CDK11B: variants seen among roughly 807,000 people sequenced by gnomAD.
The protein encoded by CDK11B is cyclin-dependent kinase 11B.
A neutral mutation model predicts 84.0 loss-of-function variants in CDK11B; 37 were observed. The ratio of observed to expected loss-of-function variants is 0.44; its 90% CI spans 0.34 to 0.58. CDK11B has a LOEUF of 0.58. Among genes scored for constraint, CDK11B ranks in the 20% least tolerant of loss-of-function variants. The pLI is 0.02. For missense variants in CDK11B, 427 were observed against 834.0 expected (o/e 0.51, Z 6.01); for synonymous variants, 269 against 309.8 (o/e 0.87, Z 1.38).
chr1:1,637,270 T>G, intron 14 of CDK11B, 68 bp from the exon 15 acceptor site: 1 of 1,591,040 alleles, frequency 6.3e-7, no homozygotes, highest in Non-Finnish European at 8.6e-7. Context: ...GGTGGCCCAC[T>G]CGCCTCGGCA....
chr1:1,650,418 T>A (rs1443446928), intron 4 of CDK11B, among the ~76,000 whole-genome samples: 2 of 142,414 alleles, frequency 1.4e-5, no homozygotes, highest in East Asian at 4.3e-4. Flanking sequence ...CAGGCTGGAG[T>A]GCAGTGGCGC....
intron 17 of CDK11B, 91 bp downstream of exon 17, chr1:1,636,591 C>T: frequency 1.3e-6 from 2 of 1,584,648 alleles, no homozygotes; most frequent in East Asian, 4.6e-5. Flanking sequence ...GCCCTGGTCC[C>T]CATCTCAACC....
At chr1:1,650,442 T>A (rs1338688653) in intron 4 of CDK11B, among the ~76,000 whole-genome samples, 2 of 145,628 alleles carry the variant, frequency 1.4e-5, no homozygotes, top group Admixed American at 1.4e-4. Context: ...CTCGGCTCAC[T>A]GCAAGCTCCG....
In CDK11B at chr1:1,640,409, T is replaced by C. The variant is rs751185973; in HGVS notation, c.1119A>G (p.Glu373=). 1.9e-6 allele frequency: 3 copies of C among 1,613,670 alleles called. No individual in the cohort carries two copies. The South Asian group carries it at 3.3e-5, about 18-fold the overall frequency. ...RFDRDSGESE[E]AEEEVGEGTP... ...TTCCCTCACCCACTTCTTCCTCTGC[T>C]TCTTCACTCTCCCCGGAATCTCGGT... The change falls in exon 11 of 20, where the codon GAA becomes GAG. Residue 373 remains glutamate (E), a synonymous_variant. Transcript: ENST00000341832.
At chr1:1,637,026 T>C (rs1424893022) in intron 15 of CDK11B, 22 bp from the exon 16 acceptor site, 1 of 1,612,944 alleles carries the variant, frequency 6.2e-7, no homozygotes, top group Non-Finnish European at 8.5e-7. Context: ...GATGGGCGGC[T>C]GTGAGTGGGC....
At position 1,650,664 on chromosome 1, in the gene CDK11B, C is replaced by CT. The variant is rs1185570412; in HGVS notation, c.356-1028dup. On this transcript the variant is annotated intron_variant, in intron 4 of 19. Transcript: ENST00000341832. The stretch of plus-strand genomic sequence containing the variant: ...ACAGTTGTGAGCCACCGCGCCCGGC[C>CT]TTTTTTTTTTTTTTTTTTTTTTTTA... Among the ~76,000 whole-genome samples the CT allele has an allele frequency of 8.0e-3, 920 of 114,928 alleles. 7 individuals carry two copies. The highest frequency in any genetic ancestry group is 0.022 in the South Asian group (78 of 3,498). The allele number at this position is 114,928 out of a possible 152,430, so 75.4% of individuals were successfully genotyped here.
At chr1:1,637,248 C>G in intron 14 of CDK11B, 46 bp from the exon 15 acceptor site, 3 of 1,604,906 alleles carry the variant, frequency 1.9e-6, no homozygotes, top group Non-Finnish European at 2.6e-6. Context: ...GCCCCCAGCC[C>G]AGGGCACTCA....
At chr1:1,639,933 C>G (rs1640005025) in intron 11 of CDK11B, among the ~76,000 whole-genome samples, 1 of 151,658 alleles carries the variant, frequency 6.6e-6, no homozygotes, top group Admixed American at 6.6e-5. Context: ...GCCTACATAA[C>G]CCGCCCACGC....
In CDK11B at chr1:1,639,766, C is replaced by T. The variant is rs558321249; in HGVS notation, c.1251+511G>A. Among the ~76,000 whole-genome samples, 244 of 152,082 alleles carry T rather than the reference C, an allele frequency of 1.6e-3. 2 individuals carry two copies. The highest frequency in any genetic ancestry group is 3.0e-3 in the Non-Finnish European group (206 of 67,914). On this transcript the variant is annotated intron_variant, in intron 11 of 19. Transcript: ENST00000341832. ...TCTCCCAGGCCCCAGAGGCCACTGGCACCTTCTCAGGCTTGTCCCTTCCAA... is the reference window on the plus strand; with the variant it reads ...TCTCCCAGGCCCCAGAGGCCACTGGTACCTTCTCAGGCTTGTCCCTTCCAA...
At chr1:1,656,601 G>C (rs1642784649) in intron 2 of CDK11B, among the ~76,000 whole-genome samples, 1 of 152,094 alleles carries the variant, frequency 6.6e-6, no homozygotes, top group Admixed American at 6.6e-5. Flanking sequence ...CATCCTGGCT[G>C]ACACCGTGAG....
rs758251511 is a variant in CDK11B, at chr1:1,636,666, G to A, written c.1917+16C>T. On this transcript the variant is annotated intron_variant, in intron 17 of 19. Transcript: ENST00000341832. Reference sequence around the variant, plus strand: ...TCCACAACCCCACAGCGCACCTGCAGCAGGGCCAGACCCACCTTGAACACC... The same window carrying A: ...TCCACAACCCCACAGCGCACCTGCAACAGGGCCAGACCCACCTTGAACACC... 8 of 1,613,824 alleles carry A rather than the reference G, an allele frequency of 5.0e-6. No individual in the cohort carries two copies. Among genetic ancestry groups the A allele is most frequent in the Non-Finnish European group, 6.8e-6 (8 of 1,179,758 alleles).
chr1:1,639,809 C>G (rs1179552540), intron 11 of CDK11B, among the ~76,000 whole-genome samples: 1 of 152,088 alleles, frequency 6.6e-6, no homozygotes, highest in African/African-American at 2.4e-5. Context: ...CCAACAATAT[C>G]CTGCCTTATT....
chr1:1,639,154 T>C (rs1570043820), intron 11 of CDK11B, among the ~76,000 whole-genome samples: 1 of 151,668 alleles, frequency 6.6e-6, no homozygotes, highest in South Asian at 2.1e-4. Flanking sequence ...TTGGCCAGGC[T>C]GGTCTCGAAC....
rs1570062521 is a variant in CDK11B at position 1,640,346 on chromosome 1, C to T, written c.1182G>A (p.Val394=). The T allele has an allele frequency of 3.7e-6, 6 of 1,613,698 alleles. No homozygotes were observed. The highest frequency in any genetic ancestry group is 5.1e-6 in the Non-Finnish European group (6 of 1,179,674). ...TGGGCGACAGGGCAGGGGAGTCGGG[C>T]ACATAGTCGCCCTCTGTCAGGGCGC... is the stretch of plus-strand genomic sequence containing the variant. ...QSSALTEGDY[V]PDSPALSPIE... is the part of the protein sequence containing the mutation. The change falls in exon 11 of 20, where the codon GTG becomes GTA. Residue 394 remains valine (V), a synonymous_variant. Transcript: ENST00000341832.
chr1:1,655,601 T>C, intron 2 of CDK11B, 117 bp from the exon 3 acceptor site: 2 of 1,395,466 alleles, frequency 1.4e-6, no homozygotes, highest in South Asian at 3.0e-5. Context: ...CTTTCATATA[T>C]ACTCTGAATG....
chr1:1,640,476 G>A (rs1221655201), intron 10 of CDK11B, 24 bp from the exon 11 acceptor site: 8 of 1,613,636 alleles, frequency 5.0e-6, no homozygotes, highest in Non-Finnish European at 6.8e-6. Flanking sequence ...ACCTAATTAC[G>A]AAGCTAGGAG....
Position 1,642,410 on chromosome 1 carries a change from CG to C in CDK11B, c.729del (p.Phe243LeufsTer10). The C allele has an allele frequency of 2.1e-6, 1 of 482,196 alleles. No individual in the cohort carries two copies. Among genetic ancestry groups the C allele is most frequent in the Non-Finnish European group, 3.6e-6 (1 of 281,034 alleles). 29.9% of individuals were successfully genotyped at this position (482,196 alleles called of 1,614,324 possible). On this transcript the variant is annotated frameshift_variant, in exon 7 of 20. Coordinates refer to ENST00000341832, the MANE Select transcript of CDK11B (RefSeq NM_033486.3). LOFTEE classifies it high-confidence loss of function. ...RSPPRPPRER[F>X]ELGDGRKPVK... ...CCTGGCTTCCGGCCGTCTCCCAACT[CG>C]AACCGCTCCCGCGGCGGCCGAGGCG... is the stretch of plus-strand genomic sequence containing the variant.
intron 9 of CDK11B, 71 bp from the exon 10 acceptor site, chr1:1,641,184 C>T (rs1012690291): frequency 2.5e-5 from 39 of 1,548,616 alleles, no homozygotes; most frequent in Non-Finnish European, 3.1e-5. Flanking sequence ...GATGCGGGCT[C>T]CGCTTCAGCT....
In CDK11B at chr1:1,658,902, G is replaced by C. The variant is rs187572187; in HGVS notation, c.-14+12C>G. ...CGCGCTCCCACACCTGGTCCGCCCAGTCGGAACTCACCCCTACGCCGCCGC... is the reference window on the plus strand; with the variant it reads ...CGCGCTCCCACACCTGGTCCGCCCACTCGGAACTCACCCCTACGCCGCCGC... On this transcript the variant is annotated intron_variant, in intron 1 of 19. Coordinates refer to ENST00000341832, the MANE Select transcript of CDK11B (RefSeq NM_033486.3). 941 of 181,304 alleles carry C rather than the reference G, an allele frequency of 5.2e-3. 16 individuals carry two copies. Among genetic ancestry groups the C allele is most frequent in the African/African-American group, 0.019 (804 of 41,772 alleles). The allele number at this position is 181,304 out of a possible 1,614,324, so 11.2% of individuals were successfully genotyped here. A position where few individuals can be genotyped will look rare whatever the true frequency, so the allele number is the denominator to read the frequency against.
Sources: allele counts gnomAD v4.1 joint callset (sites outside exome capture counted in the v4.1 genomes callset), GRCh38; gene constraint gnomAD v4.1.1; transcripts MANE v1.5; gene names NCBI Gene and HGNC (gene_info 2026-07-23, HGNC 2026-07-21).